UNC79: variants seen among roughly 807,000 people sequenced by gnomAD.
The protein encoded by UNC79 is protein unc-79 homolog.
Under a neutral mutation model 283.1 loss-of-function variants are expected in UNC79, and 37 were observed. The ratio of observed to expected loss-of-function variants is 0.13; its 90% CI spans 0.10 to 0.17. The LOEUF is 0.17. UNC79 is among the 10% of genes least tolerant of loss of function. The pLI is 1.00. For synonymous variants in UNC79, 1,107 were observed against 1,200.2 expected (o/e 0.92, Z 1.61); for missense variants, 2,272 against 3,211.1 (o/e 0.71, Z 7.07).
intron 1 of UNC79, among the ~76,000 whole-genome samples, chr14:93,367,828 C>T (rs2054365863): frequency 6.6e-6 from 1 of 152,144 alleles, no homozygotes; most frequent in Admixed American, 6.5e-5. Context: ...GAAAAAGTGA[C>T]CATTTGCCTT....
chr14:93,528,274 T>C (rs2060634231), intron 8 of UNC79, among the ~76,000 whole-genome samples: 1 of 152,220 alleles, frequency 6.6e-6, no homozygotes, highest in Non-Finnish European at 1.5e-5. Context: ...AGATGATATT[T>C]TGGATCTTTG....
chr14:93,356,376 A>G (rs1218490844), intron 1 of UNC79, among the ~76,000 whole-genome samples: 1 of 152,158 alleles, frequency 6.6e-6, no homozygotes, highest in Non-Finnish European at 1.5e-5. Context: ...TCTTAACCCA[A>G]ATTGATGTGG....
At chr14:93,464,089 T>C (rs957069536) in intron 1 of UNC79, among the ~76,000 whole-genome samples, 1 of 151,940 alleles carries the variant, frequency 6.6e-6, no homozygotes, top group Non-Finnish European at 1.5e-5. Context: ...GCAGAGCTGG[T>C]AGTGAGCCGA....
chr14:93,393,692 C>T (rs1248892557), intron 1 of UNC79, among the ~76,000 whole-genome samples: 1 of 152,028 alleles, frequency 6.6e-6, no homozygotes, highest in Admixed American at 6.5e-5. Flanking sequence ...TTTATAGGAA[C>T]AATAAAATTG....
At chr14:93,486,117 G>A (rs1595601463) in intron 4 of UNC79, among the ~76,000 whole-genome samples, 1 of 152,014 alleles carries the variant, frequency 6.6e-6, no homozygotes, top group East Asian at 1.9e-4. Flanking sequence ...GCTTTTTGTT[G>A]TTGCCTGTGG....
At chr14:93,483,176 C>G (rs2058227310) in intron 4 of UNC79, among the ~76,000 whole-genome samples, 1 of 152,216 alleles carries the variant, frequency 6.6e-6, no homozygotes, top group African/African-American at 2.4e-5. Context: ...TACCCTCTGG[C>G]TAAAACAGGA....
chr14:93,615,301 T>C (rs947030717), intron 27 of UNC79, among the ~76,000 whole-genome samples: 3 of 152,158 alleles, frequency 2.0e-5, no homozygotes, highest in African/African-American at 7.2e-5. Context: ...GTAGTCGTCC[T>C]GTGCTGATGC....
intron 23 of UNC79, among the ~76,000 whole-genome samples, 154 bp from the exon 24 acceptor site, chr14:93,597,205 C>T (rs531517092): frequency 6.6e-6 from 1 of 152,356 alleles, no homozygotes; most frequent in Non-Finnish European, 1.5e-5. Flanking sequence ...TGGTATTAGA[C>T]TTTCCTGTTG....
At chr14:93,505,652 C>T (rs987022966) in intron 7 of UNC79, among the ~76,000 whole-genome samples, 43 of 151,628 alleles carry the variant, frequency 2.8e-4, no homozygotes, top group African/African-American at 1.0e-3. Context: ...AATGTAGTTA[C>T]TGGTATATTT....
intron 1 of UNC79, chr14:93,348,115 A>G (rs1358044512): frequency 1.3e-6 from 2 of 1,583,648 alleles, no homozygotes; most frequent in Non-Finnish European, 8.7e-7. Flanking sequence ...GTTCAGAAGG[A>G]ATTAGATGGA....
intron 1 of UNC79, among the ~76,000 whole-genome samples, chr14:93,347,607 G>A (rs902456159): frequency 2.0e-5 from 3 of 152,142 alleles, no homozygotes; most frequent in Non-Finnish European, 2.9e-5. Flanking sequence ...GTCGGGCACA[G>A]GGGCGGAAAG....
intron 1 of UNC79, chr14:93,466,996 T>C: frequency 1.3e-6 from 1 of 769,396 alleles, no homozygotes. Flanking sequence ...AGTCTCCTAA[T>C]TTATGAGATT....
intron 1 of UNC79, among the ~76,000 whole-genome samples, chr14:93,414,696 T>C (rs924498008): frequency 6.6e-6 from 1 of 152,106 alleles, no homozygotes; most frequent in African/African-American, 2.4e-5. Flanking sequence ...TATCCTCTTT[T>C]ATTTCATTGA....
chr14:93,596,504 G>A (rs555636134), intron 23 of UNC79, among the ~76,000 whole-genome samples: 3 of 152,112 alleles, frequency 2.0e-5, no homozygotes, highest in Non-Finnish European at 4.4e-5. Context: ...GCATGGTGGT[G>A]CCTGCCTGTA....
chr14:93,396,267 G>A (rs1171681088), intron 1 of UNC79, among the ~76,000 whole-genome samples: 1 of 149,010 alleles, frequency 6.7e-6, no homozygotes, highest in Non-Finnish European at 1.5e-5. Flanking sequence ...TCTTTAAAAT[G>A]TCTATTTCTA....
chr14:93,476,965 T>C (rs758476229), intron 3 of UNC79, among the ~76,000 whole-genome samples: 1 of 152,172 alleles, frequency 6.6e-6, no homozygotes, highest in Non-Finnish European at 1.5e-5. Flanking sequence ...GTGAGGTAGG[T>C]ATTGTTATGA....
At chr14:93,462,449 A>G (rs1239118421) in intron 1 of UNC79, among the ~76,000 whole-genome samples, 1 of 152,204 alleles carries the variant, frequency 6.6e-6, no homozygotes, top group Non-Finnish European at 1.5e-5. Flanking sequence ...CCCCTGAAGG[A>G]CTTTGAGCAG....
chr14:93,704,269 A>G (rs1349303669), intron 47 of UNC79, among the ~76,000 whole-genome samples: 1 of 152,190 alleles, frequency 6.6e-6, no homozygotes, highest in African/African-American at 2.4e-5. Context: ...CCACTCAGAC[A>G]CTCAGTTCTA....
At chr14:93,397,718 G>A (rs542432936) in intron 1 of UNC79, among the ~76,000 whole-genome samples, 1 of 151,210 alleles carries the variant, frequency 6.6e-6, no homozygotes, top group East Asian at 1.9e-4. Flanking sequence ...AGCTGAGAGT[G>A]TCCCCTAATT....
Sources: allele counts gnomAD v4.1 joint callset (sites outside exome capture counted in the v4.1 genomes callset), GRCh38; gene constraint gnomAD v4.1.1; transcripts MANE v1.5; gene names NCBI Gene and HGNC (gene_info 2026-07-23, HGNC 2026-07-21).